The following SMOC2 variants were observed in gnomAD, a reference collection of about 807,000 sequenced individuals.
SMOC2 encodes the protein SPARC-related modular calcium-binding protein 2.
Under a neutral mutation model 61.4 loss-of-function variants are expected in SMOC2, and 39 were observed. The ratio of observed to expected loss-of-function variants is 0.64; its 90% CI spans 0.49 to 0.83. The LOEUF (loss-of-function observed/expected upper bound fraction) is 0.83, where lower values mean the gene tolerates loss of function less well. SMOC2 is among the 40% of genes least tolerant of loss of function. The pLI is 0.00. For synonymous variants in SMOC2, 247 were observed against 239.9 expected, an observed-to-expected ratio of 1.03 and a Z score of -0.27; for missense variants, 556 against 592.9, an observed-to-expected ratio of 0.94 and a Z score of 0.65.
rs1362064295 is a variant in SMOC2 at position 168,535,229 on chromosome 6, C to G, written c.463+7502C>G. 6.6e-6 allele frequency among the ~76,000 whole-genome samples: 1 copy of G among 152,106 alleles called. No individual in the cohort carries two copies. The highest frequency in any genetic ancestry group is 1.5e-5 in the Non-Finnish European group (1 of 68,024). On this transcript the variant is annotated intron_variant, in intron 4 of 12. Transcript: ENST00000356284. The surrounding 1 kb of genome is among the most constrained non-coding windows in gnomAD (Gnocchi z 4.6). ...TTGTGATCCGCTCACCTTGGCCTCC[C>G]AAAGTGCTGGGATTACAGGCAGGAG... is the stretch of plus-strand genomic sequence containing the variant.
At chr6:168,509,224 C>T (rs928982499) in intron 1 of SMOC2, among the ~76,000 whole-genome samples, 14 of 152,198 alleles carry the variant, frequency 9.2e-5, no homozygotes, top group Admixed American at 2.0e-4. Flanking sequence ...GTGGGAACTG[C>T]GGAGCACACA....
At chr6:168,597,046 C>T (rs953800994) in intron 7 of SMOC2, among the ~76,000 whole-genome samples, 24 of 152,214 alleles carry the variant, frequency 1.6e-4, no homozygotes, top group African/African-American at 5.3e-4. Flanking sequence ...GACACGATGA[C>T]TTCACTTTAA....
At chr6:168,460,192 T>C (rs1781689041) in intron 1 of SMOC2, among the ~76,000 whole-genome samples, 1 of 152,202 alleles carries the variant, frequency 6.6e-6, no homozygotes, top group African/African-American at 2.4e-5. Context: ...GACCTATGTA[T>C]TTAAATGACC....
rs538012284 is a variant in SMOC2 at position 168,582,821 on chromosome 6, G to A, written c.638-15997G>A. Among the ~76,000 whole-genome samples the A allele has an allele frequency of 1.9e-4, 29 of 152,172 alleles. 1 individual carries two copies. The highest frequency in any genetic ancestry group is 3.4e-4 in the Non-Finnish European group (23 of 68,032). ...AGACTCAGCTCAAACGAACCGACAC[G>A]CACGGGGAAGACCCGGGGGCCGAGG... On this transcript the variant is annotated intron_variant, in intron 7 of 12. Coordinates refer to ENST00000356284, the MANE Select transcript of SMOC2 (RefSeq NM_001166412.2).
chr6:168,444,666 A>G (rs943293875), intron 1 of SMOC2, among the ~76,000 whole-genome samples: 1 of 152,180 alleles, frequency 6.6e-6, no homozygotes, highest in Admixed American at 6.5e-5. Flanking sequence ...TGAATGCCAC[A>G]CCGTGCCCAT....
At chr6:168,570,062 T>C (rs1784629101) in intron 7 of SMOC2, among the ~76,000 whole-genome samples, 1 of 151,784 alleles carries the variant, frequency 6.6e-6, no homozygotes, top group Non-Finnish European at 1.5e-5. Context: ...GGCATTCTCT[T>C]TGTGTGCGGA....
intron 8 of SMOC2, among the ~76,000 whole-genome samples, chr6:168,599,591 A>ACACACACATACCCCCACACACCCC: frequency 2.3e-5 from 2 of 88,810 alleles, no homozygotes; most frequent in Admixed American, 1.4e-4. Context: ...ACACACACCC[A>ACACACACATACCCCCACACACCCC]CACATACCCC....
At chr6:168,578,033 C>T (rs1784846872) in intron 7 of SMOC2, among the ~76,000 whole-genome samples, 1 of 152,218 alleles carries the variant, frequency 6.6e-6, no homozygotes, top group African/African-American at 2.4e-5. Flanking sequence ...GAAGTCACCT[C>T]ACTCTCCTAC....
chr6:168,660,166 T>C (rs1195062384), intron 11 of SMOC2, among the ~76,000 whole-genome samples: 9 of 152,108 alleles, frequency 5.9e-5, no homozygotes, highest in African/African-American at 2.2e-4. Flanking sequence ...ATGAAAGTCA[T>C]GGTTAATACA....
intron 7 of SMOC2, among the ~76,000 whole-genome samples, chr6:168,567,274 A>T (rs1016236742): frequency 1.9e-4 from 29 of 152,340 alleles, no homozygotes; most frequent in African/African-American, 6.5e-4. Flanking sequence ...AATGTTAAGC[A>T]TTTTCAATCA....
At position 168,452,383 on chromosome 6, in the gene SMOC2, G is replaced by A. The variant is rs75123583; in HGVS notation, c.84+10929G>A. 2.4e-3 allele frequency among the ~76,000 whole-genome samples: 364 copies of A among 152,254 alleles called. No individual in the cohort carries two copies. Among genetic ancestry groups the A allele is most frequent in the Non-Finnish European group, 4.1e-3 (277 of 68,026 alleles). Reference sequence around the variant, plus strand: ...AGAGTAAGCAGGGGGAGTGTGAGGCGGGCTGCCTGCCTGGGGCCTGGACTG... The same window carrying A: ...AGAGTAAGCAGGGGGAGTGTGAGGCAGGCTGCCTGCCTGGGGCCTGGACTG... On this transcript the variant is annotated intron_variant, in intron 1 of 12. Transcript: ENST00000356284. The surrounding 1 kb of genome is among the most constrained non-coding windows in gnomAD (Gnocchi z 5.0).
At chr6:168,443,851 G>A (rs912008615) in intron 1 of SMOC2, among the ~76,000 whole-genome samples, 1 of 152,210 alleles carries the variant, frequency 6.6e-6, no homozygotes, top group Non-Finnish European at 1.5e-5. Context: ...CTTGCTGGAT[G>A]TGTGACTTCA....
At chr6:168,467,885 A>T (rs976349636) in intron 1 of SMOC2, among the ~76,000 whole-genome samples, 1 of 152,180 alleles carries the variant, frequency 6.6e-6, no homozygotes, top group African/African-American at 2.4e-5. Flanking sequence ...TAGATTTTTT[A>T]AAATTTAATG....
chr6:168,532,305 A>G (rs1285518286), intron 4 of SMOC2, among the ~76,000 whole-genome samples: 1 of 152,160 alleles, frequency 6.6e-6, no homozygotes, highest in Non-Finnish European at 1.5e-5. Flanking sequence ...ACTACATAAC[A>G]AGCCCTTCAT....
At chr6:168,609,417 C>G (rs1040389718) in intron 9 of SMOC2, among the ~76,000 whole-genome samples, 2 of 151,318 alleles carry the variant, frequency 1.3e-5, no homozygotes, top group African/African-American at 2.4e-5. Context: ...TTGAATGAAT[C>G]AGCTTCTTTC....
At chr6:168,607,895 CAGAGACGGGATGG>C (rs1785751833) in intron 8 of SMOC2, among the ~76,000 whole-genome samples, 1 of 77,170 alleles carries the variant, frequency 1.3e-5, no homozygotes, top group Admixed American at 1.7e-4. Context: ...AGATTCATTT[CAGAGACGGGATGG>C]AGAGACGGCC....
At chr6:168,578,948 G>A (rs999239203) in intron 7 of SMOC2, among the ~76,000 whole-genome samples, 1 of 152,104 alleles carries the variant, frequency 6.6e-6, no homozygotes, top group Non-Finnish European at 1.5e-5. Flanking sequence ...CGGCATTCTG[G>A]GCCCTCAAGT....
intron 7 of SMOC2, among the ~76,000 whole-genome samples, chr6:168,559,524 A>G (rs959381967): frequency 6.6e-6 from 1 of 152,160 alleles, no homozygotes; most frequent in Non-Finnish European, 1.5e-5. Flanking sequence ...AAGAGATTTC[A>G]CTGTGATTCT....
chr6:168,524,383 C>T (rs758292493), intron 2 of SMOC2, among the ~76,000 whole-genome samples: 1 of 152,104 alleles, frequency 6.6e-6, no homozygotes, highest in Non-Finnish European at 1.5e-5. Context: ...ATAGGCTAGA[C>T]GTAAACTTGG....
Sources: allele counts gnomAD v4.1 joint callset (sites outside exome capture counted in the v4.1 genomes callset), GRCh38; gene constraint gnomAD v4.1.1; non-coding constraint Gnocchi (gnomAD v3.1); transcripts MANE v1.5; gene names NCBI Gene and HGNC (gene_info 2026-07-23, HGNC 2026-07-21).